The following ATP1A3 variants were observed in gnomAD, a reference collection of about 807,000 sequenced individuals.
ATP1A3 encodes the protein ATPase Na+/K+ transporting subunit alpha 3, also known as sodium/potassium-transporting ATPase subunit alpha-3.
In ATP1A3, 12 loss-of-function variants were observed where a neutral mutation model predicts 108.8. That is an observed-to-expected ratio of 0.11 (90% CI 0.07 to 0.18). The LOEUF (loss-of-function observed/expected upper bound fraction) is 0.18, where lower values mean the gene tolerates loss of function less well. ATP1A3 is among the 10% of genes least tolerant of loss of function. ATP1A3 has a pLI of 1.00. For synonymous variants in ATP1A3, 539 were observed against 564.5 expected (o/e 0.95, Z 0.64); for missense variants, 498 against 1,387.7 (o/e 0.36, Z 10.19).
Position 41,978,669 on chromosome 19 carries a change from C to T in ATP1A3, c.1567G>A (p.Glu523Lys). Residue 523 changes from glutamate (E) to lysine (K), a missense_variant, in exon 12 of 23, where the codon GAA (glutamate) becomes AAA (lysine). Transcript: ENST00000648268. The surrounding 1 kb of genome is among the most constrained non-coding windows in gnomAD (Gnocchi z 8.3). ...LQGKEQPLDE[E>K]MKEAFQNAYL... Reference sequence around the variant, plus strand: ...GCATTCTGGAAGGCCTCCTTCATTTCCTCGTCCAGAGGCTGCTCCTTGCCC... The same window carrying T: ...GCATTCTGGAAGGCCTCCTTCATTTTCTCGTCCAGAGGCTGCTCCTTGCCC... The T allele has an allele frequency of 6.2e-7, 1 of 1,614,086 alleles. No individual in the cohort carries two copies. The highest frequency in any genetic ancestry group is 8.5e-7 in the Non-Finnish European group (1 of 1,179,998).
intron 16 of ATP1A3, 67 bp from the exon 17 acceptor site, chr19:41,970,609 T>C (rs2075093524): frequency 4.1e-6 from 5 of 1,218,234 alleles, no homozygotes; most frequent in Non-Finnish European, 5.9e-6. Context: ...GCCCCTCCTC[T>C]GCCCTCATCC....
At chr19:41,975,254 T>C (rs1376571520) in intron 16 of ATP1A3, among the ~76,000 whole-genome samples, 5 of 152,196 alleles carry the variant, frequency 3.3e-5, no homozygotes, top group Non-Finnish European at 7.4e-5. Flanking sequence ...GGTTTCACCA[T>C]GTTAGCCAGG....
chr19:41,985,457 C>T lies in ATP1A3; in HGVS notation c.607-34G>A, dbSNP rs1555865106. Reference sequence around the variant, plus strand: ...AGGTGCAGCAGAGAGAGGGTTCAGTCCAGGGCCTGGGACAGGAGGGTATTT... The same window carrying T: ...AGGTGCAGCAGAGAGAGGGTTCAGTTCAGGGCCTGGGACAGGAGGGTATTT... On this transcript the variant is annotated intron_variant, in intron 6 of 22. Transcript: ENST00000648268. The surrounding 1 kb of genome is among the most constrained non-coding windows in gnomAD (Gnocchi z 8.2). 6.3e-7 allele frequency: 1 copy of T among 1,582,504 alleles called. No individual in the cohort carries two copies. Among genetic ancestry groups the T allele is most frequent in the Non-Finnish European group, 8.7e-7 (1 of 1,151,444 alleles).
intron 4 of ATP1A3, among the ~76,000 whole-genome samples, chr19:41,987,604 T>G (rs138224457): frequency 2.6e-5 from 4 of 152,240 alleles, no homozygotes; most frequent in African/African-American, 9.6e-5. Context: ...CAGCGGGGTG[T>G]GCCTGGGTCT....
chr19:41,970,113 A>G, intron 18 of ATP1A3, 72 bp downstream of exon 18: 1 of 1,613,048 alleles, frequency 6.2e-7, no homozygotes, highest in South Asian at 1.1e-5. Flanking sequence ...GGTCCCAAGC[A>G]CCCACGGTGG....
Position 41,984,949 on chromosome 19 carries a change from T to C in ATP1A3, c.962A>G (p.Asn321Ser), listed in dbSNP as rs1176093601. 6.2e-7 allele frequency: 1 copy of C among 1,613,566 alleles called. No homozygotes were observed. The highest frequency in any genetic ancestry group is 8.5e-7 in the Non-Finnish European group (1 of 1,179,842). ...VIFLIGIIVA[N>S]VPEGLLATVT... The stretch of plus-strand genomic sequence containing the variant: ...AGTGGCCAGCAGACCCTCTGGGACA[T>C]TGGCCACGATGATGCCGATGAGGAA... The change falls in exon 8 of 23, where the codon AAT (asparagine) becomes AGT (serine). Residue 321 changes from asparagine (N) to serine (S), a missense_variant. This residue lies in a region of ATP1A3 where 127 missense variants were observed against 464.0 expected (regional missense o/e 0.27). Coordinates refer to ENST00000648268, the MANE Select transcript of ATP1A3 (RefSeq NM_152296.5).
In ATP1A3 at chr19:41,967,939, A is replaced by C. The variant is rs1223457680; in HGVS notation, c.2820-176T>G. On this transcript the variant is annotated intron_variant, in intron 20 of 22. Transcript: ENST00000648268. This position sits in a 1 kb window ranked among gnomAD's most constrained non-coding sequence, Gnocchi z 4.2. ...TGGGGAGACATGCCCCGACAGAGAGAGACAAAGATAGAGGCAGAGCGATGG... is the reference window on the plus strand; with the variant it reads ...TGGGGAGACATGCCCCGACAGAGAGCGACAAAGATAGAGGCAGAGCGATGG... 6.6e-6 allele frequency among the ~76,000 whole-genome samples: 1 copy of C among 152,086 alleles called. No homozygotes were observed. Among genetic ancestry groups the C allele is most frequent in the African/African-American group, 2.4e-5 (1 of 41,408 alleles).
In ATP1A3 at chr19:41,970,310, T is replaced by C. The variant is rs2075089014; in HGVS notation, c.2419-2A>G. ...GTACGCCAGTGAGATGGCAGGGACCTAGGCGGAGGAGGCCGGGTGAGCCGG... is the reference window on the plus strand; with the variant it reads ...GTACGCCAGTGAGATGGCAGGGACCCAGGCGGAGGAGGCCGGGTGAGCCGG... On this transcript the variant is annotated splice_acceptor_variant, in intron 17 of 22. Coordinates refer to ENST00000648268, the MANE Select transcript of ATP1A3 (RefSeq NM_152296.5). LOFTEE classifies it high-confidence loss of function. 1 of 1,613,936 alleles carries C rather than the reference T, an allele frequency of 6.2e-7. No homozygotes were observed. Among genetic ancestry groups the C allele is most frequent in the African/African-American group, 1.3e-5 (1 of 74,878 alleles).
chr19:41,971,675 C>G (rs1376784866), intron 16 of ATP1A3, among the ~76,000 whole-genome samples: 1 of 152,142 alleles, frequency 6.6e-6, no homozygotes, highest in African/African-American at 2.4e-5. Context: ...CCAACTGGAG[C>G]AGGCTCAGCA....
At chr19:41,972,201 A>G (rs4803517) in intron 16 of ATP1A3, among the ~76,000 whole-genome samples, 137,313 of 152,182 alleles carry the variant, frequency 0.9, 62,189 homozygotes, top group African/African-American at 0.97. Flanking sequence ...AGTGAGCCGC[A>G]ATTGTGCCAT....
At chr19:41,993,515 ACACAC>A (rs2075359843) in intron 1 of ATP1A3, 5 of 1,091,698 alleles carry the variant, frequency 4.6e-6, no homozygotes, top group Non-Finnish European at 6.4e-6. Context: ...ACACACACAC[ACACAC>A]ACACACACAC....
At chr19:41,989,230 G>A (rs1363157105) in intron 1 of ATP1A3, among the ~76,000 whole-genome samples, 2 of 151,792 alleles carry the variant, frequency 1.3e-5, no homozygotes, top group Admixed American at 6.6e-5. Context: ...ATAAGCCACC[G>A]TGCCCCACCT....
In ATP1A3 at chr19:41,981,053, A is replaced by G. The variant is rs991851833; in HGVS notation, c.1437+449T>C. On this transcript the variant is annotated intron_variant, in intron 11 of 22. Coordinates refer to ENST00000648268, the MANE Select transcript of ATP1A3 (RefSeq NM_152296.5). The surrounding 1 kb of genome is among the most constrained non-coding windows in gnomAD (Gnocchi z 5.0). ...TGCTCTGTCACCCAGGCTGGAGTAC[A>G]GTGCGTGATGTAGGCTCTCTGCAGC... 3.8e-4 allele frequency among the ~76,000 whole-genome samples: 57 copies of G among 148,792 alleles called. No individual in the cohort carries two copies. The highest frequency in any genetic ancestry group is 1.4e-3 in the African/African-American group (55 of 40,324).
chr19:41,981,442 T>C lies in ATP1A3; in HGVS notation c.1437+60A>G. On this transcript the variant is annotated intron_variant, in intron 11 of 22. Coordinates refer to ENST00000648268, the MANE Select transcript of ATP1A3 (RefSeq NM_152296.5). The surrounding 1 kb of genome is among the most constrained non-coding windows in gnomAD (Gnocchi z 5.0). ...GAAAATCAAGGCTCTATGACACCTCTTTACAGGCGTCATAAGGAACCTGAG... is the reference window on the plus strand; with the variant it reads ...GAAAATCAAGGCTCTATGACACCTCCTTACAGGCGTCATAAGGAACCTGAG... 6.2e-7 allele frequency: 1 copy of C among 1,613,230 alleles called. No individual in the cohort carries two copies. The highest frequency in any genetic ancestry group is 8.5e-7 in the Non-Finnish European group (1 of 1,179,436).
chr19:41,969,564 G>A lies in ATP1A3; in HGVS notation c.2559C>T (p.Leu853=), dbSNP rs369555293. The change falls in exon 19 of 23, where the codon CTC becomes CTT. Residue 853 remains leucine, a synonymous_variant. Coordinates refer to ENST00000648268, the MANE Select transcript of ATP1A3 (RefSeq NM_152296.5). Reference sequence around the variant, plus strand: ...TCACAAAGTAAGAGAAGAAGCCACCGAGAGCCTGGATCATTCCTGGAAGGA... The same window carrying A: ...TCACAAAGTAAGAGAAGAAGCCACCAAGAGCCTGGATCATTCCTGGAAGGA... ...AYGQIGMIQA[L]GGFFSYFVIL... The A allele has an allele frequency of 9.9e-5, 159 of 1,613,802 alleles. No individual in the cohort carries two copies. Among genetic ancestry groups the A allele is most frequent in the Non-Finnish European group, 1.1e-4 (131 of 1,180,030 alleles).
chr19:41,988,230 A>G lies in ATP1A3; in HGVS notation c.153+88T>C. 1 of 1,612,152 alleles carries G rather than the reference A, an allele frequency of 6.2e-7. No homozygotes were observed. ...ACCCCCAGAACTTAAGACACCAGCCACAGCCCCTCCTCCCTCAGACCCAGG... is the reference window on the plus strand; with the variant it reads ...ACCCCCAGAACTTAAGACACCAGCCGCAGCCCCTCCTCCCTCAGACCCAGG... On this transcript the variant is annotated intron_variant, in intron 3 of 22. Coordinates refer to ENST00000648268, the MANE Select transcript of ATP1A3 (RefSeq NM_152296.5). The surrounding 1 kb of genome is among the most constrained non-coding windows in gnomAD (Gnocchi z 5.3).
rs782405997 is a variant in ATP1A3, at chr19:41,986,245, G to C, written c.358-16C>G. The C allele has an allele frequency of 1.2e-6, 2 of 1,613,146 alleles. No homozygotes were observed. Among genetic ancestry groups the C allele is most frequent in the Non-Finnish European group, 1.7e-6 (2 of 1,179,674 alleles). On this transcript the variant is annotated splice_polypyrimidine_tract_variant and intron_variant, in intron 4 of 22. Transcript: ENST00000648268. ...CCAGGTACAGCTGTGGGGAGATGTG[G>C]GGATGTTGATCAGGGGCCGCCCAAG...
rs1555861927 is a variant in ATP1A3 at position 41,977,921 on chromosome 19, G to A, written c.1943+15C>T. The A allele has an allele frequency of 5.6e-6, 9 of 1,614,014 alleles. No individual in the cohort carries two copies. In the South Asian group the frequency reaches 7.7e-5, roughly 14 times the overall value. Reference sequence around the variant, plus strand: ...AGAGGGATGTCCAGGGCCCTGGCTGGGATGGGTGGCTCACCGGGGGTTAAC... The same window carrying A: ...AGAGGGATGTCCAGGGCCCTGGCTGAGATGGGTGGCTCACCGGGGGTTAAC... On this transcript the variant is annotated intron_variant, in intron 14 of 22. Coordinates refer to ENST00000648268, the MANE Select transcript of ATP1A3 (RefSeq NM_152296.5).
At position 41,994,227 on chromosome 19, in the gene ATP1A3, G is replaced by T; in HGVS notation, c.-151C>A. 1.4e-6 allele frequency: 1 copy of T among 690,742 alleles called. No homozygotes were observed. Among genetic ancestry groups the T allele is most frequent in the Non-Finnish European group, 2.2e-6 (1 of 461,468 alleles). The allele number at this position is 690,742 out of a possible 1,614,324, so 42.8% of individuals were successfully genotyped here. A position where few individuals can be genotyped will look rare whatever the true frequency, so the allele number is the denominator to read the frequency against. On this transcript the variant is annotated 5_prime_UTR_variant, in exon 1 of 23. Coordinates refer to ENST00000648268, the MANE Select transcript of ATP1A3 (RefSeq NM_152296.5). ...CCGTCCGTTGGTCCCACCGCACAGA[G>T]GCTGCGGCGGCCGCCGCCTCCGCCT...
Sources: allele counts gnomAD v4.1 joint callset (sites outside exome capture counted in the v4.1 genomes callset), GRCh38; gene constraint gnomAD v4.1.1; regional missense constraint gnomAD v4.1.1; non-coding constraint Gnocchi (gnomAD v3.1); transcripts MANE v1.5; gene names NCBI Gene and HGNC (gene_info 2026-07-23, HGNC 2026-07-21).